Variants in GATAD1 observed in about 807,000 individuals in gnomAD.
The protein encoded by GATAD1 is GATA zinc finger domain containing 1.
A neutral mutation model predicts 26.5 loss-of-function variants in GATAD1; 12 were observed. The ratio of observed to expected loss-of-function variants is 0.45; its 90% CI spans 0.29 to 0.73. The LOEUF is 0.73. Among genes scored for constraint, GATAD1 ranks in the 30% least tolerant of loss-of-function variants. GATAD1 has a pLI of 0.10. For missense variants in GATAD1, 266 were observed against 342.1 expected, an observed-to-expected ratio of 0.78 and a Z score of 1.75; for synonymous variants, 129 against 133.1, an observed-to-expected ratio of 0.97 and a Z score of 0.21.
chr7:92,470,015 G>C, the GATAD1 span: 1 of 778,722 alleles, frequency 1.3e-6, no homozygotes, highest in Non-Finnish European at 2.4e-6. Flanking sequence ...TCTCTTGCCT[G>C]ATCTTGAACT....
At chr7:92,494,462 C>A in the GATAD1 span, 2 of 1,612,572 alleles carry the variant, frequency 1.2e-6, no homozygotes. Flanking sequence ...TTATAACATT[C>A]TATTTCTGTA....
At chr7:92,460,082 A>G (rs987434808), downstream of GATAD1, among the ~76,000 whole-genome samples, 1 of 152,170 alleles carries the variant, frequency 6.6e-6, no homozygotes, top group East Asian at 1.9e-4. Context: ...ATTATCCCAA[A>G]CCATTCCAGT....
chr7:92,489,576 T>C, the GATAD1 span: 1 of 1,015,298 alleles, frequency 9.8e-7, no homozygotes. Context: ...AGGAAGCACA[T>C]AACCATGACT....
At chr7:92,452,249 G>A (rs998441132) in intron 3 of GATAD1, among the ~76,000 whole-genome samples, 6 of 152,188 alleles carry the variant, frequency 3.9e-5, no homozygotes, top group African/African-American at 1.4e-4. Flanking sequence ...GTGACTGTCT[G>A]TACTTTCGTA....
intron 1 of GATAD1, 148 bp from the exon 2 acceptor site, chr7:92,448,604 C>A: frequency 1.4e-6 from 1 of 691,694 alleles, no homozygotes. Flanking sequence ...GCTGTAATTA[C>A]TTCTCTTGAA....
chr7:92,489,500 T>C, the GATAD1 span: 3 of 1,306,230 alleles, frequency 2.3e-6, no homozygotes, highest in Non-Finnish European at 3.3e-6. Context: ...TTGTTACTTC[T>C]TATTGTCAGT....
chr7:92,470,063 T>C, the GATAD1 span: 1 of 778,776 alleles, frequency 1.3e-6, no homozygotes, highest in Non-Finnish European at 2.4e-6. Flanking sequence ...GTGAAGTAAG[T>C]CCAACAGACA....
chr7:92,469,212 G>A, the GATAD1 span: 31 of 756,348 alleles, frequency 4.1e-5, no homozygotes, highest in African/African-American at 2.2e-4. Context: ...CTCTTTCAGC[G>A]GTTAGCAAGT....
chr7:92,454,682 A>G lies in GATAD1; in HGVS notation c.616A>G (p.Ile206Val). The G allele has an allele frequency of 1.9e-6, 3 of 1,575,728 alleles. No individual in the cohort carries two copies. The highest frequency in any genetic ancestry group is 2.6e-6 in the Non-Finnish European group (3 of 1,164,798). The change falls in exon 4 of 5, where the codon ATA becomes GTA. Residue 206 changes from isoleucine (I) to valine (V), a missense_variant. Coordinates refer to ENST00000287957, the MANE Select transcript of GATAD1 (RefSeq NM_021167.5). ...CCAATTTGATCCCGCCTCCTATATC[A>G]TAGGTAAGTTTGACAAATGGCACAG... Reference protein sequence around the residue: ...RDQFDPASYIIGPEEDLPRKM... With the variant: ...RDQFDPASYIVGPEEDLPRKM...
At chr7:92,453,763 G>T (rs931244986) in intron 3 of GATAD1, among the ~76,000 whole-genome samples, 2 of 152,216 alleles carry the variant, frequency 1.3e-5, no homozygotes, top group Admixed American at 6.5e-5. Flanking sequence ...TTTCAAGACA[G>T]TACAGAGAAA....
the GATAD1 span, chr7:92,472,494 C>G: frequency 6.6e-6 from 1 of 152,190 alleles, no homozygotes; most frequent in Non-Finnish European, 1.5e-5. Context: ...TAGAGCTATT[C>G]CTGTTTTTTC....
chr7:92,486,731 T>C, the GATAD1 span, among the ~76,000 whole-genome samples: 2 of 151,848 alleles, frequency 1.3e-5, no homozygotes, highest in African/African-American at 4.8e-5. Context: ...TTTTAATTAA[T>C]GTTCTCCTTT....
At chr7:92,476,649 C>G in the GATAD1 span, among the ~76,000 whole-genome samples, 5 of 151,998 alleles carry the variant, frequency 3.3e-5, no homozygotes, top group Non-Finnish European at 7.4e-5. Context: ...CTCACTGTCT[C>G]TCTCTCCTCT....
chr7:92,461,656 TTAAAG>T (rs2115910780), downstream of GATAD1, among the ~76,000 whole-genome samples: 1 of 152,356 alleles, frequency 6.6e-6, no homozygotes, highest in South Asian at 2.1e-4. Context: ...TGGATTATTT[TTAAAG>T]TTTATATACT....
the GATAD1 span, chr7:92,493,460 C>A: frequency 6.0e-6 from 1 of 165,770 alleles, no homozygotes; most frequent in Non-Finnish European, 1.3e-5. Context: ...ACAGGGAGAC[C>A]CCATCTCTAT....
chr7:92,471,501 G>A, the GATAD1 span: 127 of 152,316 alleles, frequency 8.3e-4, no homozygotes, highest in African/African-American at 2.6e-3. Flanking sequence ...GTGGCTAGCC[G>A]TCCCGAGGGG....
the GATAD1 span, among the ~76,000 whole-genome samples, chr7:92,484,625 A>G: frequency 6.6e-6 from 1 of 152,258 alleles, no homozygotes; most frequent in Admixed American, 6.5e-5. Context: ...GGACAGGGAG[A>G]TTGAAGGGTA....
chr7:92,493,261 G>A, the GATAD1 span: 4 of 546,346 alleles, frequency 7.3e-6, no homozygotes, highest in Non-Finnish European at 9.4e-6. Flanking sequence ...GTTGAGAAAT[G>A]TACCAACAGC....
chr7:92,466,548 T>C, the GATAD1 span, among the ~76,000 whole-genome samples: 1 of 152,166 alleles, frequency 6.6e-6, no homozygotes, highest in African/African-American at 2.4e-5. Flanking sequence ...ATCCTCTCCA[T>C]GAAGGCAGTA....
Sources: gnomAD v4.1 joint callset for allele counts (sites outside exome capture counted in the v4.1 genomes callset) on GRCh38, gnomAD v4.1.1 for gene constraint, MANE v1.5 for transcripts, NCBI Gene and HGNC (gene_info 2026-07-23, HGNC 2026-07-21) for gene names.